Variants in GNG12 observed in about 807,000 individuals in gnomAD.
GNG12 encodes the protein G protein subunit gamma 12, also known as guanine nucleotide-binding protein G(I)/G(S)/G(O) subunit gamma-12.
For missense variants in GNG12, 69 were observed against 83.8 expected (o/e 0.82, Z 0.69); for synonymous variants, 28 against 29.7 (o/e 0.94, Z 0.19).
At chr1:67,762,595 T>A (rs1646612000) in intron 2 of GNG12, among the ~76,000 whole-genome samples, 1 of 152,228 alleles carries the variant, frequency 6.6e-6, no homozygotes, top group South Asian at 2.1e-4. Context: ...ATATATGGCA[T>A]CCTTCTACTG....
chr1:67,710,154 ATATATATATAGTTATATATATATAGT>A (rs1557592353), intron 2 of GNG12, among the ~76,000 whole-genome samples: 450 of 8,142 alleles, frequency 0.055, 27 homozygotes, highest in Non-Finnish European at 0.076. Context: ...ATATATAGTT[ATATATATATAGTTATATATATATAGT>A]TATATATATA....
At chr1:67,711,593 G>A (rs1646296257) in intron 2 of GNG12, among the ~76,000 whole-genome samples, 1 of 152,020 alleles carries the variant, frequency 6.6e-6, no homozygotes. Flanking sequence ...AGTCTGTCTG[G>A]GTGTGGTATC....
At chr1:67,774,284 C>T (rs1341155420) in intron 2 of GNG12, among the ~76,000 whole-genome samples, 1 of 152,204 alleles carries the variant, frequency 6.6e-6, no homozygotes, top group South Asian at 2.1e-4. Flanking sequence ...GAACTGGGGA[C>T]TTATTTTATC....
At chr1:67,710,170 A>T (rs1467842208) in intron 2 of GNG12, among the ~76,000 whole-genome samples, 5 of 34,684 alleles carry the variant, frequency 1.4e-4, no homozygotes, top group African/African-American at 5.5e-4. Flanking sequence ...ATATAGTTAT[A>T]TATATATAGT....
intron 2 of GNG12, among the ~76,000 whole-genome samples, chr1:67,750,936 T>A (rs1646535060): frequency 1.3e-5 from 2 of 152,224 alleles, no homozygotes; most frequent in Admixed American, 1.3e-4. Context: ...GGTAATAAAT[T>A]ACTCATCATA....
At chr1:67,739,889 C>T (rs1399272855) in intron 2 of GNG12, among the ~76,000 whole-genome samples, 1 of 152,168 alleles carries the variant, frequency 6.6e-6, no homozygotes, top group Non-Finnish European at 1.5e-5. Flanking sequence ...TTTAAAGCTG[C>T]TTTTCCATCC....
At chr1:67,744,059 G>A (rs1033765802) in intron 2 of GNG12, among the ~76,000 whole-genome samples, 4 of 152,138 alleles carry the variant, frequency 2.6e-5, no homozygotes, top group African/African-American at 9.7e-5. Flanking sequence ...ATGACAGTAC[G>A]AACAATAAAT....
rs60096043 is a variant in GNG12 at position 67,786,935 on chromosome 1, ATGTGTGTGTGTGTGTGTGTGTGTGTG to A, written c.-76-9454_-76-9429del. On this transcript the variant is annotated intron_variant, in intron 1 of 3. Transcript: ENST00000370982. Reference sequence around the variant, plus strand: ...CTAGGTAACAGAGACTTATATATATATGTGTGTGTGTGTGTGTGTGTGTGTGTGTGTGTGTGTGTGTGTGTGTGTGT... The same window carrying A: ...CTAGGTAACAGAGACTTATATATATATGTGTGTGTGTGTGTGTGTGTGTGT... Among the ~76,000 whole-genome samples, 72 of 133,410 alleles carry A rather than the reference ATGTGTGTGTGTGTGTGTGTGTGTGTG, an allele frequency of 5.4e-4. 1 individual carries two copies. The highest frequency in any genetic ancestry group is 2.8e-4 in the Non-Finnish European group (18 of 63,722). 87.5% of individuals were successfully genotyped at this position (133,410 alleles called of 152,430 possible). A position where few individuals can be genotyped will look rare whatever the true frequency, so the allele number is the denominator to read the frequency against.
At chr1:67,747,955 A>G (rs1466053903) in intron 2 of GNG12, among the ~76,000 whole-genome samples, 3 of 152,202 alleles carry the variant, frequency 2.0e-5, no homozygotes, top group African/African-American at 4.8e-5. Flanking sequence ...GCTGCTGGCT[A>G]TGAGGAGAAG....
At chr1:67,786,924 CTTAT>C (rs201104018) in intron 1 of GNG12, among the ~76,000 whole-genome samples, 2,152 of 89,320 alleles carry the variant, frequency 0.024, 76 homozygotes, top group African/African-American at 0.097. Flanking sequence ...GTAACAGAGA[CTTAT>C]ATATATATGT....
intron 2 of GNG12, among the ~76,000 whole-genome samples, chr1:67,727,374 C>T (rs757686241): frequency 2.4e-4 from 36 of 152,292 alleles, no homozygotes; most frequent in Admixed American, 4.6e-4. Context: ...TTCTTTGAAA[C>T]ACTTTTATGC....
chr1:67,792,891 T>C (rs1442424648), intron 1 of GNG12, among the ~76,000 whole-genome samples: 1 of 152,220 alleles, frequency 6.6e-6, no homozygotes, highest in East Asian at 1.9e-4. Flanking sequence ...TATTGGTGCT[T>C]TTCAGAAGAG....
chr1:67,780,561 A>G (rs1475250139), intron 1 of GNG12, among the ~76,000 whole-genome samples: 1 of 152,246 alleles, frequency 6.6e-6, no homozygotes, highest in African/African-American at 2.4e-5. Flanking sequence ...GTAAAGACAC[A>G]CACAGGAAAA....
intron 2 of GNG12, among the ~76,000 whole-genome samples, chr1:67,742,537 G>A (rs138406662): frequency 6.6e-6 from 1 of 152,270 alleles, no homozygotes; most frequent in East Asian, 1.9e-4. Flanking sequence ...AGATAAGTAC[G>A]ATTATTATCT....
At position 67,745,551 on chromosome 1, in the gene GNG12, T is replaced by C. The variant is rs112568507; in HGVS notation, c.-27+31907A>G. Among the ~76,000 whole-genome samples, 749 of 152,316 alleles carry C rather than the reference T, an allele frequency of 4.9e-3. 5 individuals are homozygous for C. Among genetic ancestry groups the C allele is most frequent in the African/African-American group, 0.017 (691 of 41,568 alleles). ...TATAACTTTGGACAAAACTGCTTTA[T>C]TTCTTTGCATCTCTATTTCTTCTCT... On this transcript the variant is annotated intron_variant, in intron 2 of 3. Coordinates refer to ENST00000370982, the MANE Select transcript of GNG12 (RefSeq NM_018841.6).
chr1:67,701,808 C>T lies in GNG12; in HGVS notation c.*3643G>A, dbSNP rs7419. 65,679 of 152,460 alleles carry T rather than the reference C, an allele frequency of 0.43. 15,911 individuals carry two copies. The highest frequency in any genetic ancestry group is 0.56 in the South Asian group (2,680 of 4,818). 9.4% of individuals were successfully genotyped at this position (152,460 alleles called of 1,614,324 possible). On this transcript the variant is annotated 3_prime_UTR_variant, in exon 4 of 4. Transcript: ENST00000370982. Reference sequence around the variant, plus strand: ...TAAAAACAAGACATTATTACAGTAACCAAGTCCATAAAACTAGAAAAAAAG... The same window carrying T: ...TAAAAACAAGACATTATTACAGTAATCAAGTCCATAAAACTAGAAAAAAAG...
At chr1:67,728,629 C>G (rs1646400770) in intron 2 of GNG12, among the ~76,000 whole-genome samples, 1 of 152,156 alleles carries the variant, frequency 6.6e-6, no homozygotes, top group African/African-American at 2.4e-5. Flanking sequence ...CAGAAATATG[C>G]ACACGGGGAA....
chr1:67,777,020 G>C (rs1215374997), intron 2 of GNG12: 1 of 152,084 alleles, frequency 6.6e-6, no homozygotes, highest in Non-Finnish European at 1.5e-5. Context: ...GGTGAGATGA[G>C]AGATGAGAGA....
chr1:67,720,893 T>C (rs2100687902), intron 2 of GNG12, among the ~76,000 whole-genome samples: 2 of 152,354 alleles, frequency 1.3e-5, no homozygotes, highest in Middle Eastern at 6.8e-3. Context: ...AATGGGAGCA[T>C]ATTATACACA....
Sources: gnomAD v4.1 joint callset for allele counts (sites outside exome capture counted in the v4.1 genomes callset) on GRCh38, gnomAD v4.1.1 for gene constraint, MANE v1.5 for transcripts, NCBI Gene and HGNC (gene_info 2026-07-23, HGNC 2026-07-21) for gene names.